The following PDE7B variants were observed in gnomAD, a reference collection of about 807,000 sequenced individuals.
PDE7B encodes phosphodiesterase 7B.
PDE7B carries 29 observed loss-of-function variants against 56.2 expected under a neutral mutation model. That is an observed-to-expected ratio of 0.52 (90% CI 0.38 to 0.70). The LOEUF (loss-of-function observed/expected upper bound fraction) is 0.70, where lower values mean the gene tolerates loss of function less well. PDE7B is among the 30% of genes least tolerant of loss of function. The probability of loss-of-function intolerance (pLI) is 0.00; values close to 1 mark genes in which losing one functional copy is unlikely to be tolerated. For missense variants in PDE7B, 490 were observed against 565.0 expected, an observed-to-expected ratio of 0.87 and a Z score of 1.35; for synonymous variants, 197 against 196.9, an observed-to-expected ratio of 1.00 and a Z score of 0.00.
chr6:136,002,559 T>G (rs1775692001), intron 2 of PDE7B, among the ~76,000 whole-genome samples: 1 of 152,104 alleles, frequency 6.6e-6, no homozygotes, highest in African/African-American at 2.4e-5. Context: ...TCCTAGTCTC[T>G]GATAAAACAG....
chr6:136,158,450 A>G (rs1778648225), intron 8 of PDE7B, among the ~76,000 whole-genome samples: 1 of 152,220 alleles, frequency 6.6e-6, no homozygotes, highest in African/African-American at 2.4e-5. Context: ...GGCTTGGGGA[A>G]CACCCTGTGC....
intron 2 of PDE7B, among the ~76,000 whole-genome samples, chr6:136,085,002 T>A (rs2128215526): frequency 6.6e-6 from 1 of 152,284 alleles, no homozygotes; most frequent in Non-Finnish European, 1.5e-5. Context: ...AGGTCTCGAC[T>A]CCTAGCCGAT....
At chr6:136,006,800 G>A (rs1406447170) in intron 2 of PDE7B, among the ~76,000 whole-genome samples, 2 of 152,094 alleles carry the variant, frequency 1.3e-5, no homozygotes, top group Admixed American at 6.6e-5. Context: ...TCAGCTGAAG[G>A]AGCTTTTGGG....
intron 2 of PDE7B, among the ~76,000 whole-genome samples, chr6:135,994,971 A>G (rs1775539215): frequency 6.6e-6 from 1 of 152,170 alleles, no homozygotes; most frequent in African/African-American, 2.4e-5. Flanking sequence ...ATCTTCCTAA[A>G]ACAGCACTTT....
At chr6:136,008,187 T>A (rs1775823375) in intron 2 of PDE7B, among the ~76,000 whole-genome samples, 2 of 152,132 alleles carry the variant, frequency 1.3e-5, no homozygotes, top group South Asian at 4.1e-4. Flanking sequence ...GGCTGCATAG[T>A]ATTCCATGGT....
rs934341989 is a variant in PDE7B at position 136,192,349 on chromosome 6, T to A, written c.*509T>A. On this transcript the variant is annotated 3_prime_UTR_variant, in exon 13 of 13. Coordinates refer to ENST00000308191, the MANE Select transcript of PDE7B (RefSeq NM_018945.4). ...TTTAATAATAATATTATTATAAAAA[T>A]AATAAATCTTTTTAACTTTTATATT... is the stretch of plus-strand genomic sequence containing the variant. 2 of 152,100 alleles carry A rather than the reference T, an allele frequency of 1.3e-5. No homozygotes were observed. The highest frequency in any genetic ancestry group is 4.8e-5 in the African/African-American group (2 of 41,446). The allele number at this position is 152,100 out of a possible 1,614,324, so 9.4% of individuals were successfully genotyped here.
intron 2 of PDE7B, among the ~76,000 whole-genome samples, chr6:136,039,254 A>G (rs1048107368): frequency 3.3e-5 from 5 of 151,848 alleles, no homozygotes; most frequent in Admixed American, 3.3e-4. Context: ...CATGCCTGGG[A>G]AGGATCCCAA....
At chr6:136,111,502 G>A (rs1012351635) in intron 3 of PDE7B, among the ~76,000 whole-genome samples, 11 of 152,100 alleles carry the variant, frequency 7.2e-5, no homozygotes, top group Admixed American at 2.6e-4. Context: ...TACTGTGGTC[G>A]CCCTCCACGG....
In PDE7B at chr6:135,901,838, G is replaced by C. The variant is rs142922032; in HGVS notation, c.22-45626G>C. ...GAGATTTATATAATGAGAGAGAAGT[G>C]TGCAGACACAATGATTATTACACAT... On this transcript the variant is annotated intron_variant, in intron 1 of 12. Coordinates refer to ENST00000308191, the MANE Select transcript of PDE7B (RefSeq NM_018945.4). Among the ~76,000 whole-genome samples the C allele has an allele frequency of 5.2e-3, 798 of 152,098 alleles. 3 individuals are homozygous for C. The highest frequency in any genetic ancestry group is 0.011 in the South Asian group (55 of 4,818).
intron 2 of PDE7B, among the ~76,000 whole-genome samples, chr6:135,984,239 G>A (rs1220947132): frequency 6.6e-6 from 1 of 152,132 alleles, no homozygotes; most frequent in Admixed American, 6.5e-5. Context: ...CTAAGACATC[G>A]AAGTTATTCA....
chr6:136,068,433 T>G (rs1776985823), intron 2 of PDE7B, among the ~76,000 whole-genome samples: 2 of 140,164 alleles, frequency 1.4e-5, no homozygotes, highest in Admixed American at 7.0e-5. Flanking sequence ...CTTTTTTTTT[T>G]TTTTTTTTTT....
At chr6:135,930,286 A>G (rs1271794068) in intron 1 of PDE7B, among the ~76,000 whole-genome samples, 1 of 152,136 alleles carries the variant, frequency 6.6e-6, no homozygotes, top group Non-Finnish European at 1.5e-5. Flanking sequence ...ACCTGGCCCC[A>G]TGATTCAGTT....
chr6:136,025,970 G>GCC (rs1776143146), intron 2 of PDE7B, among the ~76,000 whole-genome samples: 1 of 152,120 alleles, frequency 6.6e-6, no homozygotes, highest in Non-Finnish European at 1.5e-5. Context: ...CTTGCTAAAT[G>GCC]GCTCCAAAAG....
At chr6:135,932,301 G>C (rs1472467889) in intron 1 of PDE7B, among the ~76,000 whole-genome samples, 4 of 152,078 alleles carry the variant, frequency 2.6e-5, no homozygotes, top group African/African-American at 9.7e-5. Flanking sequence ...ATAACTTAAA[G>C]AGTGTAATTG....
rs536088900 is a variant in PDE7B at position 136,027,726 on chromosome 6, A to G, written c.82+80202A>G. Among the ~76,000 whole-genome samples the G allele has an allele frequency of 1.1e-3, 165 of 152,190 alleles. 1 individual carries two copies. Among genetic ancestry groups the G allele is most frequent in the African/African-American group, 3.6e-3 (148 of 41,518 alleles). On this transcript the variant is annotated intron_variant, in intron 2 of 12. Transcript: ENST00000308191. ...AACCTCCACCTCCCGGCTTCAAGCA[A>G]TTCTCCTGCCTCAGCCTCCTGAGTA...
At chr6:136,015,057 A>C (rs1775954739) in intron 2 of PDE7B, among the ~76,000 whole-genome samples, 1 of 152,372 alleles carries the variant, frequency 6.6e-6, no homozygotes, top group Admixed American at 6.5e-5. Flanking sequence ...AGACACGCAC[A>C]CAGAATTTTA....
chr6:135,966,045 A>G (rs889747844), intron 2 of PDE7B, among the ~76,000 whole-genome samples: 3 of 152,204 alleles, frequency 2.0e-5, no homozygotes, highest in Admixed American at 6.5e-5. Flanking sequence ...TGTTTAGGGT[A>G]ATAACAATAA....
chr6:135,975,901 G>A (rs1480947809), intron 2 of PDE7B, among the ~76,000 whole-genome samples: 1 of 152,120 alleles, frequency 6.6e-6, no homozygotes, highest in Non-Finnish European at 1.5e-5. Context: ...CAGTGAGCTG[G>A]AGAGGATGTC....
At chr6:135,852,553 A>AAATCAATAG (rs1462624275) in intron 1 of PDE7B, among the ~76,000 whole-genome samples, 1 of 152,196 alleles carries the variant, frequency 6.6e-6, no homozygotes. Context: ...AGGTAGAAAA[A>AAATCAATAG]AATCAATAGA....
Sources: gnomAD v4.1 joint callset for allele counts (sites outside exome capture counted in the v4.1 genomes callset) on GRCh38, gnomAD v4.1.1 for gene constraint, MANE v1.5 for transcripts, NCBI Gene and HGNC (gene_info 2026-07-23, HGNC 2026-07-21) for gene names.